TCN2: variants seen among roughly 807,000 people sequenced by gnomAD.
TCN2 encodes transcobalamin 2.
In TCN2, 34 loss-of-function variants were observed where a neutral mutation model predicts 48.6. The ratio of observed to expected loss-of-function variants is 0.70; its 90% CI spans 0.53 to 0.93. TCN2 has a LOEUF of 0.93. Ranked by LOEUF, TCN2 falls within the 40% of genes least tolerant of loss-of-function variation. The pLI is 0.00. For missense variants in TCN2, 652 were observed against 526.1 expected, an observed-to-expected ratio of 1.24 and a Z score of -2.34; for synonymous variants, 283 against 212.5, an observed-to-expected ratio of 1.33 and a Z score of -2.89.
At chr22:30,621,730 C>T (rs12160394) in intron 7 of TCN2, among the ~76,000 whole-genome samples, 9,583 of 152,164 alleles carry the variant, frequency 0.063, 569 homozygotes, top group African/African-American at 0.15. Flanking sequence ...GTGATCCACC[C>T]GCTTTGGCCT....
intron 3 of TCN2, among the ~76,000 whole-genome samples, chr22:30,613,784 C>T (rs989589954): frequency 2.0e-5 from 3 of 152,154 alleles, no homozygotes; most frequent in Non-Finnish European, 4.4e-5. Context: ...GCAGGGGCCT[C>T]GCACTGCTCC....
intron 3 of TCN2, 36 bp downstream of exon 3, chr22:30,613,078 C>G (rs749850402): frequency 1.2e-6 from 2 of 1,610,602 alleles, no homozygotes; most frequent in East Asian, 2.2e-5. Context: ...TGGGGAGCAG[C>G]TGGGAGGGCT....
intron 8 of TCN2, chr22:30,623,296 C>CAAAAA (rs11305698): frequency 2.1e-5 from 8 of 373,584 alleles, no homozygotes; most frequent in Non-Finnish European, 2.9e-5. Context: ...AGACAGATTA[C>CAAAAA]AAAAAAAAAA....
chr22:30,607,422 C>T, intron 1 of TCN2, 27 bp downstream of exon 1: 3 of 1,613,602 alleles, frequency 1.9e-6, no homozygotes, highest in Non-Finnish European at 2.5e-6. Flanking sequence ...TATCCTGTGC[C>T]TCTTTCCTCC....
chr22:30,624,893 C>T (rs945944427), intron 8 of TCN2, among the ~76,000 whole-genome samples: 5 of 152,154 alleles, frequency 3.3e-5, no homozygotes, highest in African/African-American at 9.7e-5. Flanking sequence ...GCTGCTATTA[C>T]AAAATACCAT....
At position 30,615,487 on chromosome 22, in the gene TCN2, C is replaced by T. The variant is rs776656571; in HGVS notation, c.753+14C>T. The T allele has an allele frequency of 5.6e-6, 9 of 1,613,552 alleles. No homozygotes were observed. The highest frequency in any genetic ancestry group is 3.3e-5 in the Admixed American group (2 of 59,894). ...TTGGCATTACAGGTGGGAAAGAGAC[C>T]CTGGAGCCATGGCCACCCTGGGGAA... On this transcript the variant is annotated intron_variant, in intron 5 of 8. Coordinates refer to ENST00000215838, the MANE Select transcript of TCN2 (RefSeq NM_000355.4).
chr22:30,621,032 G>A (rs1263292139), intron 7 of TCN2, among the ~76,000 whole-genome samples: 3 of 152,296 alleles, frequency 2.0e-5, no homozygotes, highest in Admixed American at 1.3e-4. Context: ...GCATTCAGTC[G>A]CCCAGGCTGG....
chr22:30,612,988 G>C lies in TCN2; in HGVS notation c.373G>C (p.Asp125His), dbSNP rs1375273786. The C allele has an allele frequency of 6.2e-7, 1 of 1,614,208 alleles. No individual in the cohort carries two copies. Among genetic ancestry groups the C allele is most frequent in the East Asian group, 2.2e-5 (1 of 44,882 alleles). ...NCEFVRGHKGDRLVSQLKWFL... is the reference protein window; with the variant it reads ...NCEFVRGHKGHRLVSQLKWFL... ...TGAGTTTGTCAGGGGCCACAAGGGGGACAGGCTGGTCTCACAGCTCAAATG... is the reference window on the plus strand; with the variant it reads ...TGAGTTTGTCAGGGGCCACAAGGGGCACAGGCTGGTCTCACAGCTCAAATG... The change falls in exon 3 of 9, where the codon GAC (aspartate) becomes CAC (histidine). Residue 125 changes from aspartate to histidine, a missense_variant. Physicochemically the swap from Asp to His is moderately conservative, Grantham distance 81 (BLOSUM62 -1). Transcript: ENST00000215838.
intron 1 of TCN2, among the ~76,000 whole-genome samples, chr22:30,609,719 G>GA (rs1194483480): frequency 7.9e-5 from 12 of 152,206 alleles, no homozygotes; most frequent in Non-Finnish European, 1.5e-5. Context: ...GACAGAAAGG[G>GA]AAAAAAGCAA....
In TCN2 at chr22:30,623,782, A is replaced by G. The variant is rs1569046385; in HGVS notation, c.1222+699A>G. Among the ~76,000 whole-genome samples the G allele has an allele frequency of 2.0e-4, 2 of 10,028 alleles. 1 individual carries two copies. The highest frequency in any genetic ancestry group is 3.0e-4 in the Non-Finnish European group (2 of 6,654). 6.6% of individuals were successfully genotyped at this position (10,028 alleles called of 152,430 possible). A position where few individuals can be genotyped will look rare whatever the true frequency, so the allele number is the denominator to read the frequency against. On this transcript the variant is annotated intron_variant, in intron 8 of 8. Coordinates refer to ENST00000215838, the MANE Select transcript of TCN2 (RefSeq NM_000355.4). ...TGTATATATATATACACACATATATATGTATACATATATACACACATACAC... is the reference window on the plus strand; with the variant it reads ...TGTATATATATATACACACATATATGTGTATACATATATACACACATACAC...
At position 30,615,787 on chromosome 22, in the gene TCN2, G is replaced by A. The variant is rs2087605430; in HGVS notation, c.940G>A (p.Val314Ile). The stretch of plus-strand genomic sequence containing the variant: ...CTTCCCAGACTGTCTGGCACCACGA[G>A]GTAGCCCAACTTTTTGTGGAAGCAC... ...LIFPDCLAPR[V>I]MLEPAAETIP... The change falls in exon 6 of 9, where the codon GTC (valine) becomes ATC (isoleucine). Residue 314 changes from valine (V) to isoleucine (I), a missense_variant and splice_region_variant. By Grantham distance (29) the Val-to-Ile change is conservative. Coordinates refer to ENST00000215838, the MANE Select transcript of TCN2 (RefSeq NM_000355.4). The A allele has an allele frequency of 1.2e-6, 2 of 1,614,198 alleles. No homozygotes were observed. The highest frequency in any genetic ancestry group is 1.7e-6 in the Non-Finnish European group (2 of 1,180,036).
At position 30,623,980 on chromosome 22, in the gene TCN2, GTATACATATATACACACATATATA is replaced by G. The variant is rs1569047053; in HGVS notation, c.1222+899_1222+922del. Among the ~76,000 whole-genome samples the G allele has an allele frequency of 1.2e-3, 47 of 39,600 alleles. 4 individuals are homozygous for G. The highest frequency in any genetic ancestry group is 2.2e-3 in the Non-Finnish European group (39 of 17,438). The allele number at this position is 39,600 out of a possible 152,430, so 26.0% of individuals were successfully genotyped here. ...TACATATATACACACACATATATAT[GTATACATATATACACACATATATA>G]TGTATACATATATACACACATATAT... On this transcript the variant is annotated intron_variant, in intron 8 of 8. Coordinates refer to ENST00000215838, the MANE Select transcript of TCN2 (RefSeq NM_000355.4).
At chr22:30,618,009 C>T (rs551329495) in intron 7 of TCN2, among the ~76,000 whole-genome samples, 6 of 152,154 alleles carry the variant, frequency 3.9e-5, no homozygotes, top group African/African-American at 1.4e-4. Flanking sequence ...TGTGCAATCA[C>T]GTCTCACTGC....
At position 30,623,905 on chromosome 22, in the gene TCN2, T is replaced by TATATATACACACATATATGTATAC. The variant is rs1569046785; in HGVS notation, c.1222+840_1222+841insGTATACATATATACACACATATAT. ...ATATACACACATATATATGTATACATATATATACACACATATATATGTATA... is the reference window on the plus strand; with the variant it reads ...ATATACACACATATATATGTATACATATATATACACACATATATGTATACATATATACACACATATATATGTATA... On this transcript the variant is annotated intron_variant, in intron 8 of 8. Transcript: ENST00000215838. 1.4e-3 allele frequency among the ~76,000 whole-genome samples: 34 copies of TATATATACACACATATATGTATAC among 23,634 alleles called. 10 individuals carry two copies. The highest frequency in any genetic ancestry group is 0.014 in the African/African-American group (34 of 2,376). 15.5% of individuals were successfully genotyped at this position (23,634 alleles called of 152,430 possible).
chr22:30,610,827 T>C (rs758979256), intron 1 of TCN2, 44 bp from the exon 2 acceptor site: 2 of 1,608,132 alleles, frequency 1.2e-6, no homozygotes, highest in Non-Finnish European at 8.5e-7. Context: ...TCTTTGCTGG[T>C]GGCCTGGCCC....
chr22:30,623,923 TATGTATACATATATACAC>T (rs2087754993), intron 8 of TCN2, among the ~76,000 whole-genome samples: 2 of 41,252 alleles, frequency 4.8e-5, no homozygotes, highest in African/African-American at 1.8e-4. Context: ...CACACATATA[TATGTATACATATATACAC>T]ACACACATAT....
intron 8 of TCN2, among the ~76,000 whole-genome samples, chr22:30,624,365 C>T (rs547254589): frequency 1.3e-5 from 2 of 152,058 alleles, no homozygotes; most frequent in African/African-American, 2.4e-5. Context: ...TGAGCCACCA[C>T]GCCTGGCCTG....
At chr22:30,626,422 G>C in intron 8 of TCN2, 38 bp from the exon 9 acceptor site, 1 of 1,610,314 alleles carries the variant, frequency 6.2e-7, no homozygotes, top group Non-Finnish European at 8.5e-7. Context: ...GCGATATTCT[G>C]CCCAATTCGC....
chr22:30,608,758 C>T (rs576859619), intron 1 of TCN2, among the ~76,000 whole-genome samples: 2 of 152,220 alleles, frequency 1.3e-5, no homozygotes, highest in South Asian at 2.1e-4. Flanking sequence ...CCCAGGAACC[C>T]CAGCTCTTGG....
Sources: gnomAD v4.1 joint callset for allele counts (sites outside exome capture counted in the v4.1 genomes callset) on GRCh38, gnomAD v4.1.1 for gene constraint, MANE v1.5 for transcripts, NCBI Gene and HGNC (gene_info 2026-07-23, HGNC 2026-07-21) for gene names.